Variants in ADAM23 observed in about 807,000 individuals in gnomAD.
ADAM23 encodes the protein disintegrin and metalloproteinase domain-containing protein 23.
ADAM23 carries 33 observed loss-of-function variants against 120.1 expected under a neutral mutation model. The observed-to-expected ratio is 0.27, with a 90% CI of 0.21 to 0.37. The LOEUF (loss-of-function observed/expected upper bound fraction) is 0.37, where lower values mean the gene tolerates loss of function less well. Among genes scored for constraint, ADAM23 ranks in the 10% least tolerant of loss-of-function variants. The pLI is 1.00. For synonymous variants in ADAM23, 367 were observed against 375.2 expected (o/e 0.98, Z 0.25); for missense variants, 862 against 1,058.2 (o/e 0.81, Z 2.57).
At chr2:206,614,838 T>C (rs1292902591) in intron 25 of ADAM23, among the ~76,000 whole-genome samples, 1 of 152,220 alleles carries the variant, frequency 6.6e-6, no homozygotes, top group Admixed American at 6.5e-5. Context: ...GACTGCTGTT[T>C]TTTTGAATTC....
intron 18 of ADAM23, among the ~76,000 whole-genome samples, chr2:206,582,097 C>T (rs1698229684): frequency 6.6e-6 from 1 of 152,154 alleles, no homozygotes; most frequent in Non-Finnish European, 1.5e-5. Flanking sequence ...AGGCTGGTCT[C>T]GAATTCTTGA....
rs140056636 is a variant in ADAM23, at chr2:206,504,246, A to G, written c.509+22938A>G. Reference sequence around the variant, plus strand: ...ATTAGATGTAATTTTACTTTTTAATATGCAAAATTATTGGTTTGCCTGTTT... The same window carrying G: ...ATTAGATGTAATTTTACTTTTTAATGTGCAAAATTATTGGTTTGCCTGTTT... On this transcript the variant is annotated intron_variant, in intron 3 of 25. Coordinates refer to ENST00000264377, the MANE Select transcript of ADAM23 (RefSeq NM_003812.4). Among the ~76,000 whole-genome samples the G allele has an allele frequency of 5.6e-3, 849 of 152,282 alleles. 3 individuals are homozygous for G. Among genetic ancestry groups the G allele is most frequent in the Non-Finnish European group, 7.7e-3 (523 of 68,010 alleles).
chr2:206,561,289 G>C (rs1045302720), intron 12 of ADAM23, 77 bp downstream of exon 12: 50 of 1,264,834 alleles, frequency 4.0e-5, no homozygotes, highest in Non-Finnish European at 5.4e-5. Context: ...ATCCTTTCTC[G>C]TGCTTGTTTA....
intron 20 of ADAM23, among the ~76,000 whole-genome samples, chr2:206,588,520 T>C (rs1027126850): frequency 1.3e-5 from 2 of 152,224 alleles, no homozygotes; most frequent in African/African-American, 4.8e-5. Context: ...ACACACAAGT[T>C]AGCTTTCTGG....
intron 3 of ADAM23, among the ~76,000 whole-genome samples, chr2:206,519,430 CT>C (rs933643136): frequency 1.3e-5 from 2 of 151,880 alleles, no homozygotes; most frequent in South Asian, 4.2e-4. Flanking sequence ...ACAATCATGA[CT>C]TTTTTTTAAA....
intron 24 of ADAM23, among the ~76,000 whole-genome samples, chr2:206,608,763 T>A (rs531506096): frequency 6.6e-6 from 1 of 152,186 alleles, no homozygotes; most frequent in East Asian, 1.9e-4. Flanking sequence ...ATGCATGCAA[T>A]TTGTGTGCTG....
At chr2:206,610,359 T>G (rs780982681) in intron 25 of ADAM23, among the ~76,000 whole-genome samples, 26 of 152,256 alleles carry the variant, frequency 1.7e-4, no homozygotes, top group Non-Finnish European at 3.5e-4. Context: ...ATTGCTTGTA[T>G]CTGTTTAAAA....
chr2:206,572,662 G>A (rs1698028100), intron 17 of ADAM23, among the ~76,000 whole-genome samples: 1 of 152,242 alleles, frequency 6.6e-6, no homozygotes, highest in African/African-American at 2.4e-5. Context: ...TAATTCGTAT[G>A]AATTTATTAA....
intron 2 of ADAM23, among the ~76,000 whole-genome samples, chr2:206,470,887 A>G (rs1695643483): frequency 6.6e-6 from 1 of 152,206 alleles, no homozygotes; most frequent in African/African-American, 2.4e-5. Flanking sequence ...AGTAATGTGC[A>G]ACTTGCTGAG....
intron 25 of ADAM23, among the ~76,000 whole-genome samples, chr2:206,614,425 T>TA (rs1698894809): frequency 2.8e-5 from 2 of 71,014 alleles, no homozygotes; most frequent in African/African-American, 1.2e-4. Context: ...CAGGCTGAGG[T>TA]GGACAGATCG....
chr2:206,572,433 T>C (rs142589414), intron 17 of ADAM23, among the ~76,000 whole-genome samples: 4 of 152,342 alleles, frequency 2.6e-5, no homozygotes, highest in African/African-American at 7.2e-5. Flanking sequence ...ATATTTCTTA[T>C]AACCATAGAA....
chr2:206,549,701 A>C (rs1697473428), intron 8 of ADAM23, among the ~76,000 whole-genome samples: 1 of 152,032 alleles, frequency 6.6e-6, no homozygotes, highest in South Asian at 2.1e-4. Flanking sequence ...AGTTTTACAT[A>C]GATTTTCATT....
intron 4 of ADAM23, among the ~76,000 whole-genome samples, chr2:206,532,131 G>A (rs1017719343): frequency 5.9e-4 from 89 of 152,130 alleles, no homozygotes; most frequent in African/African-American, 2.0e-3. Context: ...GCTAAATCAA[G>A]CGCGGGAACA....
In ADAM23 at chr2:206,444,083, G is replaced by A; in HGVS notation, c.214+3G>A. The A allele has an allele frequency of 7.4e-7, 1 of 1,355,164 alleles. No homozygotes were observed. The highest frequency in any genetic ancestry group is 9.5e-7 in the Non-Finnish European group (1 of 1,053,280). The allele number at this position is 1,355,164 out of a possible 1,614,324, so 83.9% of individuals were successfully genotyped here. On this transcript the variant is annotated splice_donor_region_variant and intron_variant, in intron 1 of 25. Transcript: ENST00000264377. ...CTGGGGGGCTGCTGCGCCCAGCGGTGGGTATGGCCCCGTGCCCTTTGCGTT... is the reference window on the plus strand; with the variant it reads ...CTGGGGGGCTGCTGCGCCCAGCGGTAGGTATGGCCCCGTGCCCTTTGCGTT...
chr2:206,476,106 G>A (rs1695769483), intron 2 of ADAM23, among the ~76,000 whole-genome samples: 1 of 152,076 alleles, frequency 6.6e-6, no homozygotes, highest in Non-Finnish European at 1.5e-5. Flanking sequence ...TCCTGAAGCC[G>A]AGACCTGTAG....
chr2:206,603,225 A>T lies in ADAM23; in HGVS notation c.2360-6685A>T, dbSNP rs369710322. Among the ~76,000 whole-genome samples, 3 of 152,348 alleles carry T rather than the reference A, an allele frequency of 2.0e-5. No individual in the cohort carries two copies. In the South Asian group the frequency reaches 6.2e-4, roughly 32 times the overall value. ...ATGAGATGATAAATTCTTTGTAGCT[A>T]TGAAAAGCAGCTGCAACCTTTGTTT... is the stretch of plus-strand genomic sequence containing the variant. On this transcript the variant is annotated intron_variant, in intron 24 of 25. Transcript: ENST00000264377.
rs561253679 is a variant in ADAM23, at chr2:206,532,300, G to A, written c.573+1352G>A. The stretch of plus-strand genomic sequence containing the variant: ...TTGCAGGACACAGAAACCTGATCCA[G>A]ACTTCTCACTAAGGCACTTAGTTAC... On this transcript the variant is annotated intron_variant, in intron 4 of 25. Coordinates refer to ENST00000264377, the MANE Select transcript of ADAM23 (RefSeq NM_003812.4). Among the ~76,000 whole-genome samples, 165 of 151,584 alleles carry A rather than the reference G, an allele frequency of 1.1e-3. 1 individual carries two copies. Among genetic ancestry groups the A allele is most frequent in the African/African-American group, 3.8e-3 (158 of 41,302 alleles).
chr2:206,610,684 A>G (rs1054706745), intron 25 of ADAM23, among the ~76,000 whole-genome samples: 4 of 152,238 alleles, frequency 2.6e-5, no homozygotes, highest in African/African-American at 9.6e-5. Flanking sequence ...TTACTGAACT[A>G]AGATTGTTTA....
chr2:206,574,108 C>A (rs1574542634), intron 18 of ADAM23, among the ~76,000 whole-genome samples: 2 of 152,262 alleles, frequency 1.3e-5, no homozygotes, highest in South Asian at 2.1e-4. Context: ...TCGTTCTTCA[C>A]AAAGCCCGTC....
Sources: allele counts gnomAD v4.1 joint callset (sites outside exome capture counted in the v4.1 genomes callset), GRCh38; gene constraint gnomAD v4.1.1; transcripts MANE v1.5; gene names NCBI Gene and HGNC (gene_info 2026-07-23, HGNC 2026-07-21).